Variants in CACHD1 observed in about 807,000 individuals in gnomAD.
CACHD1 encodes the protein VWFA and cache domain-containing protein 1.
In CACHD1, 71 loss-of-function variants were observed where a neutral mutation model predicts 138.7. The observed-to-expected ratio is 0.51, with a 90% confidence interval of 0.42 to 0.62. The LOEUF (loss-of-function observed/expected upper bound fraction) is 0.62, where lower values mean the gene tolerates loss of function less well. Among genes scored for constraint, CACHD1 ranks in the 20% least tolerant of loss-of-function variants. The probability of loss-of-function intolerance (pLI) is 0.00; values close to 1 mark genes in which losing one functional copy is unlikely to be tolerated. For synonymous variants in CACHD1, 578 were observed against 591.5 expected (o/e 0.98, Z 0.33); for missense variants, 1,389 against 1,625.3 (o/e 0.85, Z 2.50).
intron 2 of CACHD1, chr1:64,580,023 C>T (rs1287983999): frequency 2.6e-5 from 4 of 152,112 alleles, no homozygotes; most frequent in African/African-American, 9.7e-5. Flanking sequence ...CTCTGACACC[C>T]TCTACTGCCC....
intron 1 of CACHD1, among the ~76,000 whole-genome samples, chr1:64,542,201 TA>T (rs1646682556): frequency 2.0e-5 from 3 of 152,212 alleles, no homozygotes; most frequent in South Asian, 4.1e-4. Flanking sequence ...CATTAGCTAT[TA>T]TCATTATTTA....
At chr1:64,543,402 C>CAA (rs1553131376) in intron 1 of CACHD1, among the ~76,000 whole-genome samples, 7 of 126,886 alleles carry the variant, frequency 5.5e-5, no homozygotes, top group Non-Finnish European at 1.1e-4. Context: ...AAAAAAAATA[C>CAA]ATATATATAT....
chr1:64,544,054 C>T (rs1466485001), intron 1 of CACHD1, among the ~76,000 whole-genome samples: 1 of 151,928 alleles, frequency 6.6e-6, no homozygotes, highest in African/African-American at 2.4e-5. Context: ...TGGTCAGCCT[C>T]TTGCGATAAC....
intron 3 of CACHD1, among the ~76,000 whole-genome samples, chr1:64,589,723 A>G (rs1235775744): frequency 6.6e-6 from 1 of 152,128 alleles, no homozygotes; most frequent in Admixed American, 6.5e-5. Context: ...AGAATAATCA[A>G]CTTTACTCAT....
intron 2 of CACHD1, among the ~76,000 whole-genome samples, chr1:64,578,071 T>G (rs565076500): frequency 6.6e-6 from 1 of 152,364 alleles, no homozygotes; most frequent in South Asian, 2.1e-4. Context: ...TTGCCTTGTT[T>G]GATTATGTTA....
chr1:64,629,935 G>A (rs1359716620), intron 5 of CACHD1, among the ~76,000 whole-genome samples: 1 of 152,120 alleles, frequency 6.6e-6, no homozygotes, highest in Non-Finnish European at 1.5e-5. Flanking sequence ...ACTATTAGAA[G>A]TTTTGAGGTG....
chr1:64,545,347 A>G (rs1646710475), intron 1 of CACHD1, among the ~76,000 whole-genome samples: 1 of 152,196 alleles, frequency 6.6e-6, no homozygotes, highest in East Asian at 1.9e-4. Context: ...GCATCCCGGA[A>G]GCTCCTTTTA....
intron 26 of CACHD1, among the ~76,000 whole-genome samples, chr1:64,688,807 C>A (rs779200340): frequency 1.3e-4 from 20 of 152,206 alleles, no homozygotes; most frequent in South Asian, 1.0e-3. Flanking sequence ...TCCCAGAAGC[C>A]ACCAGAGCCC....
rs577453974 is a variant in CACHD1, at chr1:64,620,080, C to T, written c.518-9275C>T. Among the ~76,000 whole-genome samples the T allele has an allele frequency of 1.2e-4, 18 of 152,092 alleles. 1 individual carries two copies. In the South Asian group the frequency reaches 3.1e-3, roughly 26 times the overall value. On this transcript the variant is annotated intron_variant, in intron 4 of 26. Transcript: ENST00000651257. ...TCTGCTTGGCACCCTGGGAATTTTT[C>T]GTTGGTAAAGGTTTAGAGAAGGAGA...
chr1:64,480,918 G>T (rs1322807375), intron 1 of CACHD1, among the ~76,000 whole-genome samples: 1 of 150,350 alleles, frequency 6.7e-6, no homozygotes, highest in Non-Finnish European at 1.5e-5. Flanking sequence ...ATTGCAGTAG[G>T]ATTACTACTT....
chr1:64,643,650 C>CAAGGT (rs1557535957), intron 8 of CACHD1, among the ~76,000 whole-genome samples: 2 of 152,146 alleles, frequency 1.3e-5, no homozygotes, highest in African/African-American at 4.8e-5. Context: ...TCCTGGCTAA[C>CAAGGT]ACGGTGAAAC....
chr1:64,534,032 C>A (rs946749549), intron 1 of CACHD1, among the ~76,000 whole-genome samples: 29 of 148,842 alleles, frequency 1.9e-4, no homozygotes, highest in African/African-American at 7.0e-4. Flanking sequence ...AGATTACAGT[C>A]GTGAGCCCAG....
At chr1:64,606,131 G>GCACA (rs1282437630) in intron 4 of CACHD1, among the ~76,000 whole-genome samples, 1 of 97,850 alleles carries the variant, frequency 1.0e-5, no homozygotes, top group Non-Finnish European at 2.0e-5. Context: ...ACACACACAC[G>GCACA]CACACACACG....
chr1:64,501,721 G>A (rs1391548574), intron 1 of CACHD1, among the ~76,000 whole-genome samples: 1 of 152,136 alleles, frequency 6.6e-6, no homozygotes, highest in Non-Finnish European at 1.5e-5. Flanking sequence ...TCTCTGCAAG[G>A]TGTAGAAGGA....
chr1:64,656,872 G>T (rs1229111970), intron 12 of CACHD1, among the ~76,000 whole-genome samples: 1 of 151,978 alleles, frequency 6.6e-6, no homozygotes, highest in East Asian at 1.9e-4. Flanking sequence ...TGTTGGGGAG[G>T]AGGGTAGATA....
intron 1 of CACHD1, among the ~76,000 whole-genome samples, chr1:64,530,923 G>GA (rs1646578966): frequency 7.5e-6 from 1 of 132,572 alleles, no homozygotes. Flanking sequence ...ATTCCATCGT[G>GA]TTTTTTTTTG....
At chr1:64,659,129 CAG>C (rs1315423385) in intron 13 of CACHD1, among the ~76,000 whole-genome samples, 2 of 152,084 alleles carry the variant, frequency 1.3e-5, no homozygotes, top group African/African-American at 4.8e-5. Context: ...GTGAGAAAAA[CAG>C]GACAAGGAAG....
Sources: gnomAD v4.1 joint callset for allele counts (sites outside exome capture counted in the v4.1 genomes callset) on GRCh38, gnomAD v4.1.1 for gene constraint, MANE v1.5 for transcripts, NCBI Gene and HGNC (gene_info 2026-07-23, HGNC 2026-07-21) for gene names.